FRMD4B: variants seen among roughly 807,000 people sequenced by gnomAD.
FRMD4B encodes the protein FERM domain-containing protein 4B.
A neutral mutation model predicts 141.5 loss-of-function variants in FRMD4B; 74 were observed. That is an observed-to-expected ratio of 0.52 (90% CI 0.43 to 0.63). The LOEUF (loss-of-function observed/expected upper bound fraction) is 0.63, where lower values mean the gene tolerates loss of function less well. FRMD4B is among the 30% of genes least tolerant of loss of function. The pLI is 0.00. For synonymous variants in FRMD4B, 506 were observed against 467.9 expected (o/e 1.08, Z -1.05); for missense variants, 1,366 against 1,253.4 (o/e 1.09, Z -1.36).
chr3:69,187,540 CA>C (rs1225816489), intron 19 of FRMD4B, among the ~76,000 whole-genome samples: 24 of 108,066 alleles, frequency 2.2e-4, no homozygotes, highest in South Asian at 6.3e-4. Context: ...AACTCCACCT[CA>C]AAAAAAAAAA....
chr3:69,518,800 C>T (rs1203353467), intron 1 of FRMD4B, among the ~76,000 whole-genome samples: 1 of 152,198 alleles, frequency 6.6e-6, no homozygotes, highest in Non-Finnish European at 1.5e-5. Context: ...AAGAGACTAG[C>T]AGGGAAACAA....
intron 12 of FRMD4B, 90 bp downstream of exon 12, chr3:69,198,608 A>G: frequency 1.4e-6 from 1 of 711,860 alleles, no homozygotes; most frequent in Non-Finnish European, 2.5e-6. Context: ...ATGAAAACAT[A>G]TGTTCATATA....
chr3:69,220,598 T>C (rs530168317), intron 9 of FRMD4B, among the ~76,000 whole-genome samples: 8 of 152,308 alleles, frequency 5.3e-5, no homozygotes, highest in African/African-American at 1.9e-4. Flanking sequence ...ATGTCTATAA[T>C]CCCAGCATTT....
chr3:69,180,445 C>T (rs2092693532), intron 21 of FRMD4B, among the ~76,000 whole-genome samples: 1 of 151,998 alleles, frequency 6.6e-6, no homozygotes, highest in Non-Finnish European at 1.5e-5. Context: ...ATGTTTTCTG[C>T]TTACCTGAGG....
intron 5 of FRMD4B, among the ~76,000 whole-genome samples, chr3:69,269,914 C>T (rs1303091992): frequency 6.6e-6 from 1 of 152,262 alleles, no homozygotes; most frequent in Non-Finnish European, 1.5e-5. Context: ...ACCACTGTGC[C>T]CGGCCTCATG....
intron 1 of FRMD4B, among the ~76,000 whole-genome samples, chr3:69,439,281 G>A (rs568542913): frequency 6.6e-6 from 1 of 152,192 alleles, no homozygotes; most frequent in South Asian, 2.1e-4. Flanking sequence ...TCCGATTTTT[G>A]TTATAACAAA....
At chr3:69,475,769 G>A (rs984328362) in intron 1 of FRMD4B, among the ~76,000 whole-genome samples, 28 of 149,896 alleles carry the variant, frequency 1.9e-4, no homozygotes, top group African/African-American at 7.0e-4. Flanking sequence ...CTAGATCCCT[G>A]GGAATCGCCA....
intron 1 of FRMD4B, among the ~76,000 whole-genome samples, chr3:69,330,279 T>C (rs1702321395): frequency 1.1e-5 from 1 of 95,204 alleles, no homozygotes; most frequent in Non-Finnish European, 1.8e-5. Context: ...TCCTTTGTCT[T>C]TTTTTTTTTT....
In FRMD4B at chr3:69,287,970, A is replaced by C. The variant is rs115912120; in HGVS notation, c.417-134T>G. On this transcript the variant is annotated intron_variant, in intron 4 of 22. Transcript: ENST00000398540. ...GGTTGTGCTTTCTTTTCCGTTTTAA[A>C]AGAAATATGCACCGCACGTATTTAT... The C allele has an allele frequency of 6.9e-3, 4,055 of 588,568 alleles. 115 individuals carry two copies. Among genetic ancestry groups the C allele is most frequent in the African/African-American group, 0.064 (3,447 of 53,542 alleles). 36.5% of individuals were successfully genotyped at this position (588,568 alleles called of 1,614,324 possible).
intron 19 of FRMD4B, among the ~76,000 whole-genome samples, chr3:69,187,162 C>A (rs1323776436): frequency 6.6e-6 from 1 of 152,086 alleles, no homozygotes; most frequent in East Asian, 1.9e-4. Context: ...TGTCTAAATC[C>A]AGATGATAAT....
intron 1 of FRMD4B, among the ~76,000 whole-genome samples, chr3:69,489,628 C>T (rs149212993): frequency 2.6e-5 from 4 of 152,312 alleles, no homozygotes; most frequent in African/African-American, 9.6e-5. Context: ...CCTTCACACA[C>T]TGCTGGTGTA....
intron 4 of FRMD4B, among the ~76,000 whole-genome samples, chr3:69,290,142 G>A (rs1395398584): frequency 4.6e-5 from 7 of 152,172 alleles, no homozygotes; most frequent in African/African-American, 1.7e-4. Flanking sequence ...CGTGGACTAG[G>A]CGAGTCACCT....
chr3:69,194,194 TG>T (rs1212130754), intron 16 of FRMD4B, among the ~76,000 whole-genome samples: 6 of 152,272 alleles, frequency 3.9e-5, no homozygotes, highest in Non-Finnish European at 8.8e-5. Context: ...TATATTTATA[TG>T]CATAGCTTTA....
At chr3:69,425,015 T>A (rs1350377544) in intron 2 of FRMD4B, among the ~76,000 whole-genome samples, 1 of 152,222 alleles carries the variant, frequency 6.6e-6, no homozygotes, top group African/African-American at 2.4e-5. Context: ...TACCTCTGCT[T>A]ACTTCTCTGC....
intron 2 of FRMD4B, among the ~76,000 whole-genome samples, chr3:69,427,270 T>A (rs1705097768): frequency 6.7e-6 from 1 of 148,200 alleles, no homozygotes; most frequent in African/African-American, 2.4e-5. Flanking sequence ...AAATATAATA[T>A]ATATTTATAT....
intron 5 of FRMD4B, among the ~76,000 whole-genome samples, chr3:69,267,909 A>T (rs907220966): frequency 6.6e-6 from 1 of 151,870 alleles, no homozygotes; most frequent in East Asian, 1.9e-4. Flanking sequence ...CTGGGATTAC[A>T]GGTGTGGGCC....
At chr3:69,223,870 T>C (rs1264568787) in intron 8 of FRMD4B, among the ~76,000 whole-genome samples, 4 of 152,174 alleles carry the variant, frequency 2.6e-5, no homozygotes, top group African/African-American at 7.2e-5. Flanking sequence ...CACTTGAAAA[T>C]GACATGGCTA....
At chr3:69,201,908 G>T (rs1280054957) in intron 11 of FRMD4B, among the ~76,000 whole-genome samples, 1 of 152,126 alleles carries the variant, frequency 6.6e-6, no homozygotes, top group South Asian at 2.1e-4. Flanking sequence ...GAGAGGGGCT[G>T]GGCGTGGTGG....
At chr3:69,389,253 G>A (rs528224149), upstream of FRMD4B, among the ~76,000 whole-genome samples, 1 of 152,010 alleles carries the variant, frequency 6.6e-6, no homozygotes, top group African/African-American at 2.4e-5. Flanking sequence ...AGCTGGTCTC[G>A]AACTCCTGAA....
Sources: allele counts gnomAD v4.1 joint callset (sites outside exome capture counted in the v4.1 genomes callset), GRCh38; gene constraint gnomAD v4.1.1; transcripts MANE v1.5; gene names NCBI Gene and HGNC (gene_info 2026-07-23, HGNC 2026-07-21).